Variants in DDIAS observed in about 807,000 individuals in gnomAD.
DDIAS encodes the protein DNA damage-induced apoptosis suppressor protein.
A neutral mutation model predicts 15.7 loss-of-function variants in DDIAS; 14 were observed. The ratio of observed to expected loss-of-function variants is 0.89; its 90% CI spans 0.59 to 1.39. DDIAS has a LOEUF of 1.39. Among genes scored for constraint, DDIAS ranks in the 40% most tolerant of loss-of-function variants. The pLI is 0.00. For missense variants in DDIAS, 1,035 were observed against 1,130.9 expected (o/e 0.92, Z 1.22); for synonymous variants, 355 against 395.9 (o/e 0.90, Z 1.23).
chr11:82,931,416 A>G (rs1490765990), intron 5 of DDIAS, among the ~76,000 whole-genome samples: 1 of 152,168 alleles, frequency 6.6e-6, no homozygotes, highest in Non-Finnish European at 1.5e-5. Context: ...CAGTACCAAG[A>G]TCATGGCTCA....
rs1229634751 is a variant in DDIAS at position 82,913,924 on chromosome 11, AT to A, written c.-17+542del. On this transcript the variant is annotated intron_variant, in intron 2 of 5. Coordinates refer to ENST00000533655, the MANE Select transcript of DDIAS (RefSeq NM_145018.4). ...ATCTTATACACATAGTCTGAAGGTA[AT>A]TTTATACAATACTTTTTTTTTTCTT... The A allele has an allele frequency of 6.8e-6, 3 of 441,804 alleles. No individual in the cohort carries two copies. In the Admixed American group the frequency reaches 7.6e-5, roughly 11 times the overall value. 27.4% of individuals were successfully genotyped at this position (441,804 alleles called of 1,614,324 possible). A position where few individuals can be genotyped will look rare whatever the true frequency, so the allele number is the denominator to read the frequency against.
Position 82,932,836 on chromosome 11 carries a change from A to G in DDIAS, c.1498A>G (p.Lys500Glu), listed in dbSNP as rs1263994996. ...CAAAGATGACTTCCTTTTCAACTGT[A>G]AAGGAAATCTAAGTCCTAGTGTTGA... ...CSKDDFLFNCKGNLSPSVEKE... is the reference protein window; with the variant it reads ...CSKDDFLFNCEGNLSPSVEKE... The change falls in exon 6 of 6, where the codon AAA (lysine) becomes GAA (glutamate). Residue 500 changes from lysine (K) to glutamate (E), a missense_variant. Coordinates refer to ENST00000533655, the MANE Select transcript of DDIAS (RefSeq NM_145018.4). 6.2e-7 allele frequency: 1 copy of G among 1,613,440 alleles called. No individual in the cohort carries two copies. Among genetic ancestry groups the G allele is most frequent in the Non-Finnish European group, 8.5e-7 (1 of 1,180,006 alleles).
intron 3 of DDIAS, among the ~76,000 whole-genome samples, chr11:82,925,113 G>A (rs1860832283): frequency 6.6e-6 from 1 of 152,172 alleles, no homozygotes; most frequent in Non-Finnish European, 1.5e-5. Context: ...AGACATTAAA[G>A]AGATTTGCAA....
chr11:82,905,322 C>A (rs575717218), intron 1 of DDIAS, among the ~76,000 whole-genome samples: 1 of 152,160 alleles, frequency 6.6e-6, no homozygotes, highest in South Asian at 2.1e-4. Context: ...GCAAGATTTT[C>A]TTTGTATATT....
chr11:82,924,988 T>A (rs1487924531), intron 3 of DDIAS, among the ~76,000 whole-genome samples: 1 of 152,212 alleles, frequency 6.6e-6, no homozygotes. Flanking sequence ...GCCTTTTCAC[T>A]TTCAGTCTCT....
chr11:82,927,435 G>A (rs1860885631), intron 3 of DDIAS, among the ~76,000 whole-genome samples: 1 of 152,176 alleles, frequency 6.6e-6, no homozygotes, highest in Non-Finnish European at 1.5e-5. Flanking sequence ...ATAAAGGTGA[G>A]TCACTTTCAG....
Position 82,934,057 on chromosome 11 carries a change from C to T in DDIAS, c.2719C>T (p.His907Tyr), listed in dbSNP as rs1861065028. The T allele has an allele frequency of 6.8e-6, 11 of 1,613,148 alleles. No homozygotes were observed. Among genetic ancestry groups the T allele is most frequent in the African/African-American group, 1.3e-5 (1 of 74,950 alleles). ...AGAGTTACCAAGAAAGAAACTGAAA[C>T]ATATTAGACAAGGAACCAATAAAGG... ...QQELPRKKLK[H>Y]IRQGTNKGLI... The change falls in exon 6 of 6, where the codon CAT becomes TAT. Residue 907 changes from histidine (H) to tyrosine (Y), a missense_variant. Physicochemically the swap from His to Tyr is moderately conservative, Grantham distance 83. Coordinates refer to ENST00000533655, the MANE Select transcript of DDIAS (RefSeq NM_145018.4).
Position 82,932,758 on chromosome 11 carries a change from A to G in DDIAS, c.1420A>G (p.Thr474Ala). 6.2e-7 allele frequency: 1 copy of G among 1,614,088 alleles called. No homozygotes were observed. The highest frequency in any genetic ancestry group is 1.1e-5 in the South Asian group (1 of 91,082). Residue 474 changes from threonine to alanine, a missense_variant, in exon 6 of 6, where the codon ACA (threonine) becomes GCA (alanine). Thr to Ala is a moderately conservative substitution (Grantham distance 58). Transcript: ENST00000533655. ...TPQRTTGALH[T>A]PPIALRSSQV... ...CCAGAGAACTACTGGAGCCCTGCAT[A>G]CACCACCTATAGCTTTAAGATCATC...
At chr11:82,903,042 A>C (rs1860354215) in intron 1 of DDIAS, among the ~76,000 whole-genome samples, 1 of 152,252 alleles carries the variant, frequency 6.6e-6, no homozygotes, top group South Asian at 2.1e-4. Flanking sequence ...AGGGAAAGAA[A>C]AACATTCTAA....
chr11:82,906,135 A>G (rs1201139426), intron 1 of DDIAS, among the ~76,000 whole-genome samples: 1 of 152,152 alleles, frequency 6.6e-6, no homozygotes, highest in East Asian at 1.9e-4. Context: ...ACTAGGTGGC[A>G]AGTATGAAGG....
At chr11:82,925,191 A>G in intron 3 of DDIAS, among the ~76,000 whole-genome samples, 1 of 152,364 alleles carries the variant, frequency 6.6e-6, no homozygotes, top group African/African-American at 2.4e-5. Flanking sequence ...ATTTTTCATA[A>G]AAGTATGTTT....
In DDIAS at chr11:82,932,554, C is replaced by T; in HGVS notation, c.1216C>T (p.Gln406Ter). 1 of 1,614,166 alleles carries T rather than the reference C, an allele frequency of 6.2e-7. No homozygotes were observed. Among genetic ancestry groups the T allele is most frequent in the Non-Finnish European group, 8.5e-7 (1 of 1,180,018 alleles). ...ACTTGAAGAGACAGCCAGCAGTTCC[C>T]AGGATGGTGACCCTCAAATTTGGGA... ...LRLEETASSS[Q>*]DGDPQIWDDL... The change falls in exon 6 of 6, where the codon CAG becomes TAG. Residue 406 changes from glutamine (Q) to a stop codon, truncating the protein, a stop_gained. Transcript: ENST00000533655. LOFTEE classifies it low-confidence loss of function (END_TRUNC).
Position 82,933,339 on chromosome 11 carries a change from T to C in DDIAS, c.2001T>C (p.Ile667=). ...INNNVTQSYS[I]GYEGSYDASA... ...ACAACGTAACACAGAGCTATTCTAT[T>C]GGTTATGAAGGTAGCTATGATGCCT... is the stretch of plus-strand genomic sequence containing the variant. The change falls in exon 6 of 6, where the codon ATT becomes ATC. Residue 667 remains isoleucine (I), a synonymous_variant. Transcript: ENST00000533655. The C allele has an allele frequency of 6.2e-7, 1 of 1,614,066 alleles. No individual in the cohort carries two copies. The highest frequency in any genetic ancestry group is 8.5e-7 in the Non-Finnish European group (1 of 1,179,984).
Position 82,930,291 on chromosome 11 carries a change from TTCTTTTTAATAA to T in DDIAS, c.393+21_393+32del. On this transcript the variant is annotated intron_variant, in intron 5 of 5. Coordinates refer to ENST00000533655, the MANE Select transcript of DDIAS (RefSeq NM_145018.4). ...GGAGTGACGGTAATTGAGACTAGCTTTCTTTTTAATAATCTGTTAACATTTCCATTGTAATGA... is the reference window on the plus strand; with the variant it reads ...GGAGTGACGGTAATTGAGACTAGCTTTCTGTTAACATTTCCATTGTAATGA... The T allele has an allele frequency of 7.0e-7, 1 of 1,424,072 alleles. No individual in the cohort carries two copies. The highest frequency in any genetic ancestry group is 2.3e-5 in the East Asian group (1 of 43,816). 88.2% of individuals were successfully genotyped at this position (1,424,072 alleles called of 1,614,324 possible).
In DDIAS at chr11:82,910,691, C is replaced by G. The variant is rs969303288; in HGVS notation, c.-116-2596C>G. On this transcript the variant is annotated intron_variant, in intron 1 of 5. Coordinates refer to ENST00000533655, the MANE Select transcript of DDIAS (RefSeq NM_145018.4). ...AGTGCAGTGCCATGAATACAGCTCACTTCAGTCTTTACCTCCTGGGCTCAG... is the reference window on the plus strand; with the variant it reads ...AGTGCAGTGCCATGAATACAGCTCAGTTCAGTCTTTACCTCCTGGGCTCAG... Among the ~76,000 whole-genome samples the G allele has an allele frequency of 2.1e-5, 3 of 142,646 alleles. No individual in the cohort carries two copies. In the South Asian group the frequency reaches 6.7e-4, roughly 32 times the overall value. The allele number at this position is 142,646 out of a possible 152,430, so 93.6% of individuals were successfully genotyped here. A position where few individuals can be genotyped will look rare whatever the true frequency, so the allele number is the denominator to read the frequency against.
chr11:82,914,868 T>TA lies in DDIAS; in HGVS notation c.113+19dup. 8.7e-6 allele frequency: 13 copies of TA among 1,491,118 alleles called. No individual in the cohort carries two copies. The highest frequency in any genetic ancestry group is 1.2e-5 in the Non-Finnish European group (13 of 1,076,208). 92.4% of individuals were successfully genotyped at this position (1,491,118 alleles called of 1,614,324 possible). A position where few individuals can be genotyped will look rare whatever the true frequency, so the allele number is the denominator to read the frequency against. On this transcript the variant is annotated intron_variant, in intron 3 of 5. Transcript: ENST00000533655. ...CTCCAAAAGGTAAAAGTAAAGTCTGTAAGTGTGAGAGAGGAAATACAAATG... is the reference window on the plus strand; with the variant it reads ...CTCCAAAAGGTAAAAGTAAAGTCTGTAAAGTGTGAGAGAGGAAATACAAATG...
At chr11:82,911,828 G>A (rs1195061023) in intron 1 of DDIAS, among the ~76,000 whole-genome samples, 1 of 152,240 alleles carries the variant, frequency 6.6e-6, no homozygotes, top group East Asian at 1.9e-4. Flanking sequence ...AGACTTGAAA[G>A]TCAAAGTGAC....
chr11:82,932,348 C>CTAATTTATTCTCTTTGG lies in DDIAS; in HGVS notation c.1011_1027dup (p.Glu343ValfsTer42). 1 of 1,613,980 alleles carries CTAATTTATTCTCTTTGG rather than the reference C, an allele frequency of 6.2e-7. No homozygotes were observed. Among genetic ancestry groups the CTAATTTATTCTCTTTGG allele is most frequent in the Non-Finnish European group, 8.5e-7 (1 of 1,179,876 alleles). ...CATCATGAAATTGGAGTTAATGACT[C>CTAATTTATTCTCTTTGG]TAATTTATTCTCTTTGGAAATGCGA... On this transcript the variant is annotated frameshift_variant, in exon 6 of 6. Transcript: ENST00000533655. LOFTEE classifies it low-confidence loss of function (END_TRUNC).
intron 1 of DDIAS, among the ~76,000 whole-genome samples, chr11:82,905,308 G>A (rs1355865558): frequency 6.6e-6 from 1 of 152,062 alleles, no homozygotes; most frequent in Non-Finnish European, 1.5e-5. Context: ...GAGATTTAAA[G>A]AAAGCAAGAT....
Sources: allele counts gnomAD v4.1 joint callset (sites outside exome capture counted in the v4.1 genomes callset), GRCh38; gene constraint gnomAD v4.1.1; transcripts MANE v1.5; gene names NCBI Gene and HGNC (gene_info 2026-07-23, HGNC 2026-07-21).